The following LZTS1 variants were observed in gnomAD, a reference collection of about 807,000 sequenced individuals.
LZTS1 encodes leucine zipper putative tumor suppressor 1.
A neutral mutation model predicts 45.8 loss-of-function variants in LZTS1; 31 were observed. The ratio of observed to expected loss-of-function variants is 0.68; its 90% CI spans 0.51 to 0.91. The LOEUF (loss-of-function observed/expected upper bound fraction) is 0.91. Ranked by LOEUF, LZTS1 falls within the 40% of genes least tolerant of loss-of-function variation. The pLI is 0.00. For missense variants in LZTS1, 821 were observed against 788.9 expected (o/e 1.04, Z -0.49); for synonymous variants, 359 against 357.3 (o/e 1.00, Z -0.05).
rs117939913 is a variant in LZTS1, at chr8:20,282,594, C to T, written c.-135+21146G>A. 5.9e-5 allele frequency among the ~76,000 whole-genome samples: 9 copies of T among 152,302 alleles called. No homozygotes were observed. In the East Asian group the frequency reaches 1.4e-3, roughly 23 times the overall value. Reference sequence around the variant, plus strand: ...CTTTCGCATTTAAGTTGTGCTTGGGCTTCTCCACCTTGGCATTATTGACAA... The same window carrying T: ...CTTTCGCATTTAAGTTGTGCTTGGGTTTCTCCACCTTGGCATTATTGACAA... On this transcript the variant is annotated intron_variant, in intron 1 of 3. Coordinates refer to ENST00000381569, the MANE Select transcript of LZTS1 (RefSeq NM_021020.5).
chr8:20,274,744 G>T (rs13280649), intron 1 of LZTS1, among the ~76,000 whole-genome samples: 1 of 152,096 alleles, frequency 6.6e-6, no homozygotes, highest in Non-Finnish European at 1.5e-5. Context: ...GCCTGGGACT[G>T]TGGGAATTTC....
intron 1 of LZTS1, among the ~76,000 whole-genome samples, chr8:20,270,796 CCTCT>C (rs746688245): frequency 1.8e-5 from 2 of 114,174 alleles, no homozygotes; most frequent in African/African-American, 7.2e-5. Flanking sequence ...CCGAGTGTGT[CCTCT>C]GTGTGTGTGT....
intron 1 of LZTS1, among the ~76,000 whole-genome samples, chr8:20,291,195 C>T (rs1800895049): frequency 6.6e-6 from 1 of 152,206 alleles, no homozygotes; most frequent in South Asian, 2.1e-4. Flanking sequence ...GATCAAGGTA[C>T]CAACGACTCC....
chr8:20,251,143 ATATAT>A (rs1799895066), intron 3 of LZTS1, among the ~76,000 whole-genome samples: 1 of 112,784 alleles, frequency 8.9e-6, no homozygotes, highest in Non-Finnish European at 1.8e-5. Context: ...ATATATATAT[ATATAT>A]AAAATATAAA....
At chr8:20,297,904 C>A (rs1302159964) in intron 1 of LZTS1, among the ~76,000 whole-genome samples, 1 of 152,126 alleles carries the variant, frequency 6.6e-6, no homozygotes, top group Non-Finnish European at 1.5e-5. Context: ...GCATATTAAA[C>A]ACTTGCCAAC....
At chr8:20,274,513 G>C (rs1203678414) in intron 1 of LZTS1, among the ~76,000 whole-genome samples, 3 of 152,146 alleles carry the variant, frequency 2.0e-5, no homozygotes, top group Non-Finnish European at 2.9e-5. Flanking sequence ...TGGCACTCTG[G>C]CCTGAGCATT....
rs759021758 is a variant in LZTS1 at position 20,250,177 on chromosome 8, C to G, written c.1336G>C (p.Glu446Gln). ...LEGALRTKGL[E>Q]LEVCENELQR... Reference sequence around the variant, plus strand: ...AGCTCATTCTCACAGACCTCCAGCTCCAGGCCCTTGGTGCGCAGGGCGCCC... The same window carrying G: ...AGCTCATTCTCACAGACCTCCAGCTGCAGGCCCTTGGTGCGCAGGGCGCCC... Residue 446 changes from glutamate to glutamine, a missense_variant, in exon 4 of 4, where the codon GAG becomes CAG. Transcript: ENST00000381569. The G allele has an allele frequency of 1.9e-6, 3 of 1,611,252 alleles. No individual in the cohort carries two copies. Among genetic ancestry groups the G allele is most frequent in the Non-Finnish European group, 2.5e-6 (3 of 1,179,800 alleles).
At chr8:20,294,631 C>T (rs1031818671) in intron 1 of LZTS1, among the ~76,000 whole-genome samples, 6 of 152,096 alleles carry the variant, frequency 3.9e-5, no homozygotes, top group African/African-American at 1.4e-4. Context: ...AAGATGTGTG[C>T]GCTGTCCAGT....
chr8:20,267,513 T>C (rs1203528928), intron 1 of LZTS1, among the ~76,000 whole-genome samples: 1 of 151,994 alleles, frequency 6.6e-6, no homozygotes, highest in Non-Finnish European at 1.5e-5. Context: ...CAGACACTTG[T>C]TTTTTTGCTT....
intron 1 of LZTS1, chr8:20,290,499 T>C (rs976686729): frequency 6.6e-6 from 1 of 152,276 alleles, no homozygotes; most frequent in Non-Finnish European, 1.5e-5. Flanking sequence ...TATGTGTTCC[T>C]GGTAGGGAAT....
intron 1 of LZTS1, among the ~76,000 whole-genome samples, chr8:20,258,036 G>A (rs1800146985): frequency 6.6e-6 from 1 of 151,960 alleles, no homozygotes; most frequent in Admixed American, 6.6e-5. Context: ...TAACAACCTT[G>A]TCAGTCACCA....
chr8:20,297,403 TTG>T (rs1800994756), intron 1 of LZTS1, among the ~76,000 whole-genome samples: 1 of 149,118 alleles, frequency 6.7e-6, no homozygotes, highest in Non-Finnish European at 1.5e-5. Context: ...TCCTACTTTA[TTG>T]TGTTTGTTTG....
chr8:20,258,054 G>C (rs1800147267), intron 1 of LZTS1, among the ~76,000 whole-genome samples: 1 of 152,154 alleles, frequency 6.6e-6, no homozygotes, highest in Non-Finnish European at 1.5e-5. Context: ...CCAGACAGGA[G>C]AAATTGGGAT....
At chr8:20,274,081 C>T (rs1028639256) in intron 1 of LZTS1, among the ~76,000 whole-genome samples, 1 of 152,108 alleles carries the variant, frequency 6.6e-6, no homozygotes, top group Non-Finnish European at 1.5e-5. Flanking sequence ...GAAGCCTTCC[C>T]GTATCTGTGA....
chr8:20,250,055 G>C lies in LZTS1; in HGVS notation c.1458C>G (p.Arg486=). The C allele has an allele frequency of 6.2e-7, 1 of 1,607,612 alleles. No individual in the cohort carries two copies. ...CGGGGAAGGTGGGCGGCCCCATGTC[G>C]CGGGCCAGGGCGGCCTGGGCCCGCA... is the stretch of plus-strand genomic sequence containing the variant. ...QELRAQAALA[R]DMGPPTFPED... Residue 486 remains arginine (R), a synonymous_variant, in exon 4 of 4, where the codon CGC becomes CGG. Coordinates refer to ENST00000381569, the MANE Select transcript of LZTS1 (RefSeq NM_021020.5).
intron 1 of LZTS1, among the ~76,000 whole-genome samples, chr8:20,269,583 C>T (rs995072184): frequency 5.9e-5 from 9 of 152,118 alleles, no homozygotes; most frequent in Non-Finnish European, 1.0e-4. Context: ...TTGATCAAGT[C>T]GGTATTCTGA....
intron 1 of LZTS1, among the ~76,000 whole-genome samples, chr8:20,270,244 C>T (rs1247285820): frequency 6.6e-6 from 1 of 152,276 alleles, no homozygotes; most frequent in African/African-American, 2.4e-5. Flanking sequence ...CCCCAGCTCC[C>T]TCTCCAGTGC....
In LZTS1 at chr8:20,250,126, G is replaced by T; in HGVS notation, c.1387C>A (p.Leu463Met). The change falls in exon 4 of 4, where the codon CTG becomes ATG. Residue 463 changes from leucine to methionine, a missense_variant. Transcript: ENST00000381569. The part of the protein sequence containing the change: ...ELQRKKNEAE[L>M]LREKVNLLEQ... ...AGCAGGTTCACCTTCTCCCGCAGCAGCTCCGCCTCGTTCTTCTTGCGCTGC... is the reference window on the plus strand; with the variant it reads ...AGCAGGTTCACCTTCTCCCGCAGCATCTCCGCCTCGTTCTTCTTGCGCTGC... 22 of 1,607,684 alleles carry T rather than the reference G, an allele frequency of 1.4e-5. No individual in the cohort carries two copies. The highest frequency in any genetic ancestry group is 1.9e-5 in the Non-Finnish European group (22 of 1,179,170).
Position 20,255,035 on chromosome 8 carries a change from G to C in LZTS1, c.147C>G (p.Asp49Glu), listed in dbSNP as rs1298038844. Residue 49 changes from aspartate (D) to glutamate (E), a missense_variant, in exon 2 of 4, where the codon GAC (aspartate) becomes GAG (glutamate). Coordinates refer to ENST00000381569, the MANE Select transcript of LZTS1 (RefSeq NM_021020.5). Reference sequence around the variant, plus strand: ...TGGAGCTGGACTTGCCGTGACCGGAGTCCTGGGAGAAGCCAAACCTCAGCA... The same window carrying C: ...TGGAGCTGGACTTGCCGTGACCGGACTCCTGGGAGAAGCCAAACCTCAGCA... ...DGLLRFGFSQ[D>E]SGHGKSSSKM... The C allele has an allele frequency of 1.2e-6, 2 of 1,614,234 alleles. No homozygotes were observed. Among genetic ancestry groups the C allele is most frequent in the Admixed American group, 1.7e-5 (1 of 60,032 alleles).
Sources: gnomAD v4.1 joint callset for allele counts (sites outside exome capture counted in the v4.1 genomes callset) on GRCh38, gnomAD v4.1.1 for gene constraint, MANE v1.5 for transcripts, NCBI Gene and HGNC (gene_info 2026-07-23, HGNC 2026-07-21) for gene names.